Variants in NR1I2 observed in about 807,000 individuals in gnomAD.
NR1I2 encodes the protein orphan nuclear receptor PAR1.
Under a neutral mutation model 43.3 loss-of-function variants are expected in NR1I2, and 42 were observed. That is an observed-to-expected ratio of 0.97 (90% CI 0.76 to 1.26). The LOEUF is 1.26. Ranked by LOEUF, NR1I2 falls within the 50% of genes most tolerant of loss-of-function variation. NR1I2 has a pLI of 0.00. For missense variants in NR1I2, 559 were observed against 566.7 expected, an observed-to-expected ratio of 0.99 and a Z score of 0.14; for synonymous variants, 229 against 215.0, an observed-to-expected ratio of 1.06 and a Z score of -0.57.
At chr3:119,797,203 T>TGTGTGCGC (rs1313159555) in intron 1 of NR1I2, among the ~76,000 whole-genome samples, 1 of 151,700 alleles carries the variant, frequency 6.6e-6, no homozygotes, top group African/African-American at 2.4e-5. Flanking sequence ...TGTGTGTGTG[T>TGTGTGCGC]GTGTGTGTGT....
chr3:119,792,715 A>G (rs1440183727), intron 1 of NR1I2, among the ~76,000 whole-genome samples: 6 of 138,056 alleles, frequency 4.3e-5, no homozygotes, highest in African/African-American at 1.8e-4. Context: ...CTCAAAAAAG[A>G]AAAAAAAAAT....
intron 1 of NR1I2, among the ~76,000 whole-genome samples, chr3:119,805,817 G>C (rs1247799465): frequency 6.6e-6 from 1 of 150,402 alleles, no homozygotes; most frequent in Admixed American, 6.7e-5. Flanking sequence ...TCAACTTTTT[G>C]GCTTGAGGTT....
chr3:119,809,936 G>A, intron 2 of NR1I2, 125 bp from the exon 3 acceptor site: 2 of 1,260,260 alleles, frequency 1.6e-6, no homozygotes, highest in Non-Finnish European at 2.3e-6. Flanking sequence ...CAGCTGGGAC[G>A]CAAAGGCTAG....
intron 2 of NR1I2, among the ~76,000 whole-genome samples, chr3:119,807,832 G>A (rs918241190): frequency 3.3e-5 from 5 of 152,132 alleles, no homozygotes; most frequent in African/African-American, 7.2e-5. Context: ...GAAACAGACC[G>A]AAGGGAGGGG....
In NR1I2 at chr3:119,798,649, A is replaced by G. The variant is rs182666280; in HGVS notation, c.-22-8580A>G. On this transcript the variant is annotated intron_variant, in intron 1 of 8. Coordinates refer to ENST00000393716, the MANE Select transcript of NR1I2 (RefSeq NM_003889.4). ...AGAGAGACTCCGTCTCAAAAAAAAA[A>G]AAAAAGAAAAAGAAAGAAAGAAAAA... 5.9e-3 allele frequency among the ~76,000 whole-genome samples: 897 copies of G among 151,548 alleles called. 17 individuals carry two copies. Among genetic ancestry groups the G allele is most frequent in the Admixed American group, 0.018 (278 of 15,246 alleles).
chr3:119,793,060 C>T (rs894960379), intron 1 of NR1I2, among the ~76,000 whole-genome samples: 2 of 152,136 alleles, frequency 1.3e-5, no homozygotes, highest in African/African-American at 4.8e-5. Context: ...TCCTCTCTCT[C>T]TTGCTCCCTC....
chr3:119,815,684 T>C (rs1219473826), intron 7 of NR1I2, 42 bp from the exon 8 acceptor site: 2 of 1,530,806 alleles, frequency 1.3e-6, no homozygotes, highest in East Asian at 2.3e-5. Context: ...ACTGAGCTTG[T>C]CTTTGCCCCA....
chr3:119,800,806 A>T (rs926000933), intron 1 of NR1I2, among the ~76,000 whole-genome samples: 11 of 152,252 alleles, frequency 7.2e-5, no homozygotes, highest in African/African-American at 2.7e-4. Flanking sequence ...CTGGGAACAG[A>T]GAGCTACATT....
rs149485015 is a variant in NR1I2 at position 119,807,244 on chromosome 3, A to C, written c.-7A>C. 1 of 1,614,180 alleles carries C rather than the reference A, an allele frequency of 6.2e-7. No individual in the cohort carries two copies. The highest frequency in any genetic ancestry group is 1.7e-5 in the Admixed American group (1 of 60,028). On this transcript the variant is annotated 5_prime_UTR_variant, in exon 2 of 9. Coordinates refer to ENST00000393716, the MANE Select transcript of NR1I2 (RefSeq NM_003889.4). Reference sequence around the variant, plus strand: ...TCATTTCTAGTCCAAGAGGCCCAGAAGCAAACCTGGAGGTGAGACCCAAAG... The same window carrying C: ...TCATTTCTAGTCCAAGAGGCCCAGACGCAAACCTGGAGGTGAGACCCAAAG...
Position 119,812,863 on chromosome 3 carries a change from G to T in NR1I2, c.697G>T (p.Gly233Trp), listed in dbSNP as rs191312162. ...CTACAAACCCCCAGCCGACAGTGGC[G>T]GGAAAGAGATCTTCTCCCTGCTGCC... The change falls in exon 5 of 9, where the codon GGG becomes TGG. Residue 233 changes from glycine (G) to tryptophan (W), a missense_variant. By Grantham distance (184) the Gly-to-Trp change is radical (BLOSUM62 -2). This residue lies in a region of NR1I2 where 323 missense variants were observed against 312.2 expected (regional missense o/e 1.03). Transcript: ENST00000393716. 6.2e-7 allele frequency: 1 copy of T among 1,614,080 alleles called. No individual in the cohort carries two copies. Among genetic ancestry groups the T allele is most frequent in the Admixed American group, 1.7e-5 (1 of 60,000 alleles).
intron 8 of NR1I2, among the ~76,000 whole-genome samples, chr3:119,816,065 C>G (rs368464382): frequency 2.6e-5 from 4 of 152,238 alleles, no homozygotes; most frequent in African/African-American, 9.6e-5. Context: ...CTCAGTAGCT[C>G]CTGTGACCTA....
chr3:119,799,981 AACAAAC>A (rs1332839319), intron 1 of NR1I2, among the ~76,000 whole-genome samples: 2 of 131,466 alleles, frequency 1.5e-5, no homozygotes, highest in African/African-American at 5.6e-5. Flanking sequence ...CAAACAAACA[AACAAAC>A]ACACACACAC....
intron 1 of NR1I2, among the ~76,000 whole-genome samples, chr3:119,804,316 A>G (rs978805174): frequency 2.7e-5 from 4 of 150,628 alleles, no homozygotes; most frequent in Admixed American, 6.6e-5. Flanking sequence ...TGGAGCTTGC[A>G]GTGAGCCAAG....
intron 1 of NR1I2, among the ~76,000 whole-genome samples, chr3:119,804,041 A>T (rs2055116468): frequency 1.3e-5 from 2 of 149,802 alleles, no homozygotes; most frequent in Admixed American, 6.7e-5. Context: ...TACAGGCGTG[A>T]GCCACCACAT....
At chr3:119,792,577 A>G (rs1458023617) in intron 1 of NR1I2, 1 of 757,310 alleles carries the variant, frequency 1.3e-6, no homozygotes, top group Non-Finnish European at 2.3e-6. Flanking sequence ...CTGCACCTCC[A>G]TGGGCCAACT....
In NR1I2 at chr3:119,810,018, G is replaced by T. The variant is rs1268458878; in HGVS notation, c.198-43G>T. ...GCCCGGAGCCCCAGGCCGAGGGCCC[G>T]GGCACCCGTGCATCCCCCCTTCTGC... On this transcript the variant is annotated intron_variant, in intron 2 of 8. Coordinates refer to ENST00000393716, the MANE Select transcript of NR1I2 (RefSeq NM_003889.4). 5.0e-6 allele frequency: 8 copies of T among 1,612,848 alleles called. No homozygotes were observed. In the South Asian group the frequency reaches 7.7e-5, roughly 16 times the overall value.
intron 8 of NR1I2, 120 bp from the exon 9 acceptor site, chr3:119,816,948 C>G (rs11929668): frequency 0.14 from 184,924 of 1,327,874 alleles, 14,338 homozygotes; most frequent in Non-Finnish European, 0.16. Flanking sequence ...TTCAGCCAAG[C>G]CTTGTCTCTT....
rs1443380230 is a variant in NR1I2, at chr3:119,817,109, G to T, written c.1202G>T (p.Arg401Leu). ...ATCATGGCTATGCTCACCGAGCTCC[G>T]CAGCATCAATGCTCAGCACACCCAG... is the stretch of plus-strand genomic sequence containing the variant. Residue 401 changes from arginine (R) to leucine (L), a missense_variant, in exon 9 of 9, where the codon CGC becomes CTC. Arg to Leu is a moderately radical substitution (Grantham distance 102, BLOSUM62 -2). This residue lies in a region of NR1I2 where 323 missense variants were observed against 312.2 expected (regional missense o/e 1.03). Coordinates refer to ENST00000393716, the MANE Select transcript of NR1I2 (RefSeq NM_003889.4). 6.2e-7 allele frequency: 1 copy of T among 1,614,174 alleles called. No homozygotes were observed. Among genetic ancestry groups the T allele is most frequent in the Non-Finnish European group, 8.5e-7 (1 of 1,180,030 alleles).
intron 1 of NR1I2, among the ~76,000 whole-genome samples, chr3:119,789,385 AACATGGTGGAAGGCAAACGGCATGTCTT>A (rs2054887170): frequency 6.6e-6 from 1 of 152,204 alleles, no homozygotes; most frequent in East Asian, 1.9e-4. Context: ...AGGCCTCACA[AACATGGTGGAAGGCAAACGGCATGTCTT>A]ACATGGTGTC....
Sources: allele counts gnomAD v4.1 joint callset (sites outside exome capture counted in the v4.1 genomes callset), GRCh38; gene constraint gnomAD v4.1.1; regional missense constraint gnomAD v4.1.1; transcripts MANE v1.5; gene names NCBI Gene and HGNC (gene_info 2026-07-23, HGNC 2026-07-21).